Variants in RNF11 observed in about 807,000 individuals in gnomAD.
RNF11 encodes ring finger protein 11.
In RNF11, 4 loss-of-function variants were observed where a neutral mutation model predicts 15.8. The observed-to-expected ratio is 0.25, with a 90% CI of 0.12 to 0.58. The LOEUF is 0.58. Among genes scored for constraint, RNF11 ranks in the 20% least tolerant of loss-of-function variants. The pLI, the probability that RNF11 is intolerant of heterozygous loss-of-function variation, is 0.91. For synonymous variants in RNF11, 68 were observed against 72.3 expected (o/e 0.94, Z 0.30); for missense variants, 139 against 194.4 (o/e 0.71, Z 1.70).
intron 1 of RNF11, among the ~76,000 whole-genome samples, chr1:51,269,109 G>A (rs1425988229): frequency 6.6e-6 from 1 of 152,140 alleles, no homozygotes; most frequent in Non-Finnish European, 1.5e-5. Flanking sequence ...TAATTCTTCA[G>A]ACTGAAAATC....
At chr1:51,241,151 G>T (rs1275716419) in intron 1 of RNF11, among the ~76,000 whole-genome samples, 3 of 151,730 alleles carry the variant, frequency 2.0e-5, no homozygotes, top group Admixed American at 1.3e-4. Context: ...TAGAGACAGG[G>T]TCTCATTATG....
At chr1:51,263,582 C>A (rs897187663) in intron 1 of RNF11, among the ~76,000 whole-genome samples, 1 of 152,144 alleles carries the variant, frequency 6.6e-6, no homozygotes, top group African/African-American at 2.4e-5. Flanking sequence ...TGCTTTCAGA[C>A]TCTTTCATTA....
At chr1:51,269,932 T>A (rs769392740) in intron 1 of RNF11, 24 bp from the exon 2 acceptor site, 1 of 1,592,836 alleles carries the variant, frequency 6.3e-7, no homozygotes, top group Admixed American at 1.7e-5. Context: ...AATAATCTTT[T>A]TCCTCTATAT....
At chr1:51,241,987 T>G in intron 1 of RNF11, among the ~76,000 whole-genome samples, 1 of 152,216 alleles carries the variant, frequency 6.6e-6, no homozygotes, top group Non-Finnish European at 1.5e-5. Flanking sequence ...CATTTTCTAA[T>G]CTGAATATAT....
intron 1 of RNF11, among the ~76,000 whole-genome samples, chr1:51,257,616 C>T (rs116381533): frequency 1.7e-4 from 26 of 152,052 alleles, no homozygotes; most frequent in African/African-American, 5.8e-4. Flanking sequence ...CACCACCATG[C>T]CCGACTAATT....
intron 1 of RNF11, among the ~76,000 whole-genome samples, chr1:51,240,181 A>G (rs1005707136): frequency 2.6e-5 from 4 of 152,130 alleles, no homozygotes; most frequent in African/African-American, 9.7e-5. Context: ...CATAAACCCT[A>G]CATAATCTGT....
intron 1 of RNF11, among the ~76,000 whole-genome samples, chr1:51,253,968 T>TAA (rs1254257922): frequency 7.2e-6 from 1 of 138,644 alleles, no homozygotes; most frequent in Non-Finnish European, 1.6e-5. Flanking sequence ...GTCCCATCTC[T>TAA]AAAAAAAAAA....
rs928146865 is a variant in RNF11 at position 51,252,081 on chromosome 1, CAAAAAAA to C, written c.123+15217_123+15223del. Among the ~76,000 whole-genome samples, 409 of 53,640 alleles carry C rather than the reference CAAAAAAA, an allele frequency of 7.6e-3. 2 individuals are homozygous for C. Among genetic ancestry groups the C allele is most frequent in the Middle Eastern group, 0.061 (4 of 66 alleles). The allele number at this position is 53,640 out of a possible 152,430, so 35.2% of individuals were successfully genotyped here. Reference sequence around the variant, plus strand: ...GACAGAGCAAGACTCCATCTCAAAGCAAAAAAAAAAAAAAAAAAAAAGAAACAGAAAA... The same window carrying C: ...GACAGAGCAAGACTCCATCTCAAAGCAAAAAAAAAAAAAAGAAACAGAAAA... On this transcript the variant is annotated intron_variant, in intron 1 of 2. Transcript: ENST00000242719.
chr1:51,245,760 A>G (rs1261459156), intron 1 of RNF11, among the ~76,000 whole-genome samples: 2 of 152,106 alleles, frequency 1.3e-5, no homozygotes, highest in Non-Finnish European at 2.9e-5. Context: ...CCAACAGCCT[A>G]TTTTTAATAA....
intron 1 of RNF11, among the ~76,000 whole-genome samples, chr1:51,260,444 C>G (rs965160244): frequency 2.6e-5 from 4 of 152,152 alleles, no homozygotes; most frequent in African/African-American, 9.7e-5. Context: ...CAACCTGGCC[C>G]TCTTTCAAAC....
intron 1 of RNF11, among the ~76,000 whole-genome samples, chr1:51,239,996 G>T (rs935155930): frequency 6.6e-6 from 1 of 152,036 alleles, no homozygotes; most frequent in Non-Finnish European, 1.5e-5. Flanking sequence ...TCTTTCCATG[G>T]TTTCTTTTGT....
intron 1 of RNF11, among the ~76,000 whole-genome samples, chr1:51,262,365 A>G (rs1435730074): frequency 6.6e-6 from 1 of 152,270 alleles, no homozygotes; most frequent in Non-Finnish European, 1.5e-5. Context: ...CTAAAACTTT[A>G]TAAACCTCTT....
intron 1 of RNF11, among the ~76,000 whole-genome samples, chr1:51,264,297 TATATATATATATATATATATACACAC>T (rs1646945128): frequency 2.3e-5 from 2 of 87,602 alleles, no homozygotes; most frequent in African/African-American, 1.2e-4. Context: ...AATATATATA[TATATATATATATATATATATACACAC>T]ACACACACAC....
At chr1:51,241,278 C>A (rs1211714931) in intron 1 of RNF11, among the ~76,000 whole-genome samples, 1 of 151,964 alleles carries the variant, frequency 6.6e-6, no homozygotes, top group Non-Finnish European at 1.5e-5. Flanking sequence ...AATTTATTTC[C>A]TTTAGAGATG....
chr1:51,266,958 C>T (rs911493311), intron 1 of RNF11, among the ~76,000 whole-genome samples: 2 of 152,148 alleles, frequency 1.3e-5, no homozygotes, highest in Non-Finnish European at 2.9e-5. Context: ...TATCAGACTA[C>T]CCACATAGCC....
chr1:51,268,052 GT>G (rs1364314437), intron 1 of RNF11, among the ~76,000 whole-genome samples: 1 of 152,128 alleles, frequency 6.6e-6, no homozygotes, highest in Admixed American at 6.5e-5. Flanking sequence ...TAAAATTGTT[GT>G]TTTTATACCC....
intron 1 of RNF11, chr1:51,250,770 G>T (rs993390096): frequency 1.4e-5 from 20 of 1,414,298 alleles, no homozygotes; most frequent in Non-Finnish European, 1.8e-5. Flanking sequence ...GGTGGCCTTG[G>T]CGAAGTTGCC....
At position 51,271,621 on chromosome 1, in the gene RNF11, T is replaced by C. The variant is rs764524727; in HGVS notation, c.*299T>C. ...GTGTAAAGTGTTAACAGCAGCTGTA[T>C]TTGTTTAAATTGTGTGTATTGAAGA... is the stretch of plus-strand genomic sequence containing the variant. On this transcript the variant is annotated 3_prime_UTR_variant, in exon 3 of 3. Transcript: ENST00000242719. The C allele has an allele frequency of 5.1e-6, 1 of 197,538 alleles. No homozygotes were observed. The highest frequency in any genetic ancestry group is 1.0e-5 in the Non-Finnish European group (1 of 97,298). The allele number at this position is 197,538 out of a possible 1,614,324, so 12.2% of individuals were successfully genotyped here. A position where few individuals can be genotyped will look rare whatever the true frequency, so the allele number is the denominator to read the frequency against.
intron 1 of RNF11, chr1:51,266,017 TC>T (rs1452799714): frequency 6.6e-6 from 1 of 152,166 alleles, no homozygotes; most frequent in East Asian, 1.9e-4. Flanking sequence ...GCATCTGGCC[TC>T]CAACCCTTTA....
Sources: allele counts gnomAD v4.1 joint callset (sites outside exome capture counted in the v4.1 genomes callset), GRCh38; gene constraint gnomAD v4.1.1; transcripts MANE v1.5; gene names NCBI Gene and HGNC (gene_info 2026-07-23, HGNC 2026-07-21).